DPYD: variants seen among roughly 807,000 people sequenced by gnomAD.
The protein encoded by DPYD is dihydropyrimidine dehydrogenase.
In DPYD, 109 loss-of-function variants were observed where a neutral mutation model predicts 116.2. The observed-to-expected ratio is 0.94, with a 90% CI of 0.80 to 1.10. The LOEUF (loss-of-function observed/expected upper bound fraction) is 1.10, where lower values mean the gene tolerates loss of function less well. Ranked by LOEUF, DPYD falls within the 50% of genes least tolerant of loss-of-function variation. The pLI is 0.00. For synonymous variants in DPYD, 440 were observed against 432.0 expected (o/e 1.02, Z -0.23); for missense variants, 1,302 against 1,254.5 (o/e 1.04, Z -0.57).
intron 16 of DPYD, among the ~76,000 whole-genome samples, chr1:97,336,955 G>A (rs1184673919): frequency 6.6e-6 from 1 of 152,130 alleles, no homozygotes; most frequent in East Asian, 1.9e-4. Flanking sequence ...ATTCTGTGCA[G>A]TACATGAAAA....
intron 19 of DPYD, among the ~76,000 whole-genome samples, chr1:97,217,543 A>G (rs1197901081): frequency 6.6e-6 from 1 of 151,620 alleles, no homozygotes; most frequent in African/African-American, 2.4e-5. Context: ...TACAATCATT[A>G]TTTGCAGCTA....
intron 20 of DPYD, among the ~76,000 whole-genome samples, chr1:97,186,618 G>T (rs1406877207): frequency 1.3e-5 from 2 of 152,186 alleles, no homozygotes; most frequent in Admixed American, 1.3e-4. Flanking sequence ...GGAGGCTGAG[G>T]TGGGTGGATC....
At chr1:97,134,009 AAAAAAATATATAT>A (rs1653552390) in intron 20 of DPYD, among the ~76,000 whole-genome samples, 3 of 47,884 alleles carry the variant, frequency 6.3e-5, no homozygotes, top group Non-Finnish European at 7.2e-5. Context: ...AAAAAAAAAA[AAAAAAATATATAT>A]ATATATATAT....
intron 20 of DPYD, among the ~76,000 whole-genome samples, chr1:97,184,095 C>A (rs1056139219): frequency 2.0e-5 from 3 of 152,054 alleles, no homozygotes; most frequent in Non-Finnish European, 4.4e-5. Flanking sequence ...AAAGACACAT[C>A]TCGTTCCTTT....
intron 3 of DPYD, chr1:97,797,433 T>A (rs1667627387): frequency 7.0e-6 from 1 of 142,068 alleles, no homozygotes; most frequent in South Asian, 2.4e-4. Context: ...GCCAAAAGGA[T>A]AGTAGCTTAC....
At chr1:97,153,757 A>C (rs1340487323) in intron 20 of DPYD, among the ~76,000 whole-genome samples, 1 of 152,172 alleles carries the variant, frequency 6.6e-6, no homozygotes, top group African/African-American at 2.4e-5. Context: ...CATCCAACGA[A>C]GGACTAATGT....
At chr1:97,705,712 G>A (rs1357505767) in intron 5 of DPYD, among the ~76,000 whole-genome samples, 3 of 151,352 alleles carry the variant, frequency 2.0e-5, no homozygotes, top group Admixed American at 6.6e-5. Flanking sequence ...TCGCCACACC[G>A]ACTTCCACAA....
At chr1:97,530,318 C>T (rs928835515) in intron 12 of DPYD, among the ~76,000 whole-genome samples, 1 of 150,446 alleles carries the variant, frequency 6.6e-6, no homozygotes, top group East Asian at 2.0e-4. Context: ...CCCAGGTTCA[C>T]GCCATTCTCC....
chr1:97,747,800 C>T (rs1301108007), intron 3 of DPYD, among the ~76,000 whole-genome samples: 1 of 152,062 alleles, frequency 6.6e-6, no homozygotes, highest in Non-Finnish European at 1.5e-5. Context: ...TGCTTGATTG[C>T]CCATATTTAA....
At chr1:97,475,752 C>T (rs992612022) in intron 13 of DPYD, among the ~76,000 whole-genome samples, 4 of 152,128 alleles carry the variant, frequency 2.6e-5, no homozygotes, top group African/African-American at 9.7e-5. Flanking sequence ...CAAATTTGGC[C>T]TGTGCACCTT....
At chr1:97,523,499 CA>C (rs2101998087) in intron 12 of DPYD, among the ~76,000 whole-genome samples, 1 of 152,180 alleles carries the variant, frequency 6.6e-6, no homozygotes, top group Non-Finnish European at 1.5e-5. Flanking sequence ...CAAGTTCCTT[CA>C]AGCTTCTTTA....
intron 2 of DPYD, among the ~76,000 whole-genome samples, chr1:97,843,544 G>A (rs1289877786): frequency 6.6e-6 from 1 of 152,098 alleles, no homozygotes; most frequent in African/African-American, 2.4e-5. Flanking sequence ...TATTTTCCTA[G>A]ACAAGTTAGA....
At chr1:97,513,409 GCATTTAAT>G in intron 13 of DPYD, among the ~76,000 whole-genome samples, 2 of 151,580 alleles carry the variant, frequency 1.3e-5, no homozygotes, top group Admixed American at 1.3e-4. Context: ...CCCTTGGTAA[GCATTTAAT>G]TTCTTTATCA....
intron 14 of DPYD, among the ~76,000 whole-genome samples, chr1:97,427,537 C>T (rs939585258): frequency 1.3e-5 from 2 of 152,004 alleles, no homozygotes; most frequent in Non-Finnish European, 2.9e-5. Flanking sequence ...TTACCCTAAT[C>T]TTCATGCCCC....
chr1:97,909,108 C>T (rs530351149), intron 1 of DPYD, among the ~76,000 whole-genome samples: 16 of 152,232 alleles, frequency 1.1e-4, no homozygotes, highest in African/African-American at 3.1e-4. Flanking sequence ...TCCTACTTTA[C>T]AGAAAATCTA....
chr1:97,392,440 G>A (rs150666795), intron 14 of DPYD, among the ~76,000 whole-genome samples: 187 of 151,448 alleles, frequency 1.2e-3, no homozygotes, highest in Admixed American at 2.4e-3. Flanking sequence ...CCGTGGCATC[G>A]AATTCCTGGG....
chr1:97,649,737 A>G (rs116626387), intron 8 of DPYD, among the ~76,000 whole-genome samples: 1 of 152,260 alleles, frequency 6.6e-6, no homozygotes, highest in Non-Finnish European at 1.5e-5. Flanking sequence ...AATATAAGAA[A>G]GGGAAGTAGG....
intron 20 of DPYD, among the ~76,000 whole-genome samples, chr1:97,179,780 A>T (rs1283974294): frequency 1.3e-5 from 2 of 152,160 alleles, no homozygotes; most frequent in Admixed American, 1.3e-4. Context: ...TGAAGCACAG[A>T]ACTATTATAG....
At chr1:97,530,214 C>CTTTTTTTTTTTT (rs57740723) in intron 12 of DPYD, among the ~76,000 whole-genome samples, 28 of 112,698 alleles carry the variant, frequency 2.5e-4, no homozygotes, top group East Asian at 7.7e-4. Context: ...CTTTTTTTTT[C>CTTTTTTTTTTTT]TTTTTTTTTT....
Sources: allele counts gnomAD v4.1 joint callset (sites outside exome capture counted in the v4.1 genomes callset), GRCh38; gene constraint gnomAD v4.1.1; transcripts MANE v1.5; gene names NCBI Gene and HGNC (gene_info 2026-07-23, HGNC 2026-07-21).